Variants in DIAPH2 observed in about 807,000 individuals in gnomAD.
DIAPH2 encodes the protein protein diaphanous homolog 2.
Under a neutral mutation model 92.7 loss-of-function variants are expected in DIAPH2, and 35 were observed. That is an observed-to-expected ratio of 0.38 (90% CI 0.29 to 0.50). The LOEUF is 0.50. DIAPH2 is among the 20% of genes least tolerant of loss of function. DIAPH2 has a pLI of 0.94. For missense variants in DIAPH2, 701 were observed against 819.5 expected (o/e 0.86, Z 1.77); for synonymous variants, 301 against 280.4 (o/e 1.07, Z -0.73).
chrX:97,438,429 G>A (rs185199386), intron 26 of DIAPH2, among the ~76,000 whole-genome samples: 3 of 95,725 alleles, frequency 3.1e-5, no homozygotes, highest in East Asian at 3.3e-4. Flanking sequence ...GCAGTGGTGC[G>A]ATCACCACTC....
chrX:97,030,683 C>T (rs1261441575), intron 17 of DIAPH2, among the ~76,000 whole-genome samples: 1 of 111,487 alleles, frequency 9.0e-6, no homozygotes, highest in African/African-American at 3.3e-5. Flanking sequence ...ATGTGTGTTT[C>T]AAATCACCTT....
At chrX:96,967,233 A>C (rs187783132) in intron 17 of DIAPH2, among the ~76,000 whole-genome samples, 275 of 110,577 alleles carry the variant, frequency 2.5e-3, no homozygotes, top group Non-Finnish European at 4.5e-3. Flanking sequence ...GTCTATTCCC[A>C]TCTTTGTGTC....
intron 1 of DIAPH2, among the ~76,000 whole-genome samples, chrX:96,722,554 T>C (rs2063995749): frequency 2.7e-5 from 3 of 111,357 alleles, no homozygotes; most frequent in African/African-American, 9.8e-5. Context: ...TTTAAAATAA[T>C]TGGATATGTA....
At chrX:97,311,944 C>T (rs1252463937) in intron 23 of DIAPH2, among the ~76,000 whole-genome samples, 3 of 110,566 alleles carry the variant, frequency 2.7e-5, no homozygotes, top group African/African-American at 9.9e-5. Context: ...TCTCCTGCCT[C>T]AGCCTCCCCA....
At chrX:96,685,496 A>C (rs2063766156) in intron 1 of DIAPH2, among the ~76,000 whole-genome samples, 1 of 112,764 alleles carries the variant, frequency 8.9e-6, no homozygotes, top group Admixed American at 9.2e-5. Context: ...TTGTTTGTCT[A>C]ACTTGTGGGC....
At chrX:97,526,266 G>C (rs749060785) in intron 26 of DIAPH2, among the ~76,000 whole-genome samples, 1 of 111,341 alleles carries the variant, frequency 9.0e-6, no homozygotes, top group Admixed American at 9.5e-5. Flanking sequence ...CTTTGAAACA[G>C]GCATGCAAAG....
intron 26 of DIAPH2, among the ~76,000 whole-genome samples, chrX:97,451,827 T>C (rs761255433): frequency 2.7e-5 from 3 of 111,968 alleles, no homozygotes; most frequent in African/African-American, 9.7e-5. Context: ...GAAAACCTAC[T>C]GCTTCTGTTA....
intron 23 of DIAPH2, among the ~76,000 whole-genome samples, chrX:97,347,109 G>C: frequency 1.3e-5 from 1 of 78,832 alleles, no homozygotes; most frequent in Non-Finnish European, 2.3e-5. Context: ...TTTTTTTTGA[G>C]ACAGAGTCTC....
At chrX:97,085,891 T>C (rs1017058943) in intron 19 of DIAPH2, among the ~76,000 whole-genome samples, 1 of 111,451 alleles carries the variant, frequency 9.0e-6, no homozygotes, top group Non-Finnish European at 1.9e-5. Flanking sequence ...TCAAGAGTGT[T>C]TTCAGTTGAT....
At chrX:97,126,730 G>A (rs1158177556) in intron 21 of DIAPH2, among the ~76,000 whole-genome samples, 1 of 112,051 alleles carries the variant, frequency 8.9e-6, no homozygotes, top group Non-Finnish European at 1.9e-5. Flanking sequence ...ACAAGAAAGC[G>A]CATACTCTGT....
chrX:97,468,009 C>T (rs1196084556), intron 26 of DIAPH2, among the ~76,000 whole-genome samples: 1 of 111,670 alleles, frequency 9.0e-6, no homozygotes, highest in Non-Finnish European at 1.9e-5. Context: ...TGTGAAGGCT[C>T]CCAGGCTGAA....
chrX:96,698,364 CCACCTACCCT>C (rs2063836233), intron 1 of DIAPH2, among the ~76,000 whole-genome samples: 1 of 111,794 alleles, frequency 8.9e-6, no homozygotes. Context: ...GTGCCAAGAA[CCACCTACCCT>C]CTCCTGCTGC....
intron 25 of DIAPH2, among the ~76,000 whole-genome samples, chrX:97,400,013 G>A (rs1386063251): frequency 8.9e-6 from 1 of 112,223 alleles, no homozygotes; most frequent in Non-Finnish European, 1.9e-5. Context: ...TCTTAGAAGA[G>A]TGGTAGGAAA....
intron 21 of DIAPH2, among the ~76,000 whole-genome samples, chrX:97,129,706 C>G (rs895250719): frequency 6.3e-5 from 7 of 110,629 alleles, no homozygotes; most frequent in African/African-American, 2.3e-4. Context: ...TTAAACCATG[C>G]ACAGAAATGC....
At chrX:97,023,240 CTATTCT>C (rs1351044265) in intron 17 of DIAPH2, among the ~76,000 whole-genome samples, 1 of 111,487 alleles carries the variant, frequency 9.0e-6, no homozygotes, top group African/African-American at 3.3e-5. Flanking sequence ...ATTAGACTTG[CTATTCT>C]TATTCTTTCT....
chrX:97,139,075 T>C (rs952998666), intron 21 of DIAPH2, among the ~76,000 whole-genome samples: 2 of 111,108 alleles, frequency 1.8e-5, no homozygotes, highest in Non-Finnish European at 3.8e-5. Flanking sequence ...TTACTCTTGT[T>C]CTACCCCAAG....
At chrX:96,928,354 T>C (rs770512888) in intron 9 of DIAPH2, among the ~76,000 whole-genome samples, 46 of 111,413 alleles carry the variant, frequency 4.1e-4, no homozygotes, top group African/African-American at 1.4e-3. Context: ...TATTTAGCTA[T>C]GAATTCAGGA....
chrX:97,101,827 A>G (rs962931775), intron 20 of DIAPH2, among the ~76,000 whole-genome samples: 4 of 112,294 alleles, frequency 3.6e-5, no homozygotes, highest in African/African-American at 1.3e-4. Flanking sequence ...TTGCTAAAAC[A>G]TATTTCTCTA....
At chrX:97,255,670 G>A (rs1244912294) in intron 23 of DIAPH2, among the ~76,000 whole-genome samples, 9 of 111,958 alleles carry the variant, frequency 8.0e-5, no homozygotes, top group Non-Finnish European at 1.7e-4. Flanking sequence ...CATAGCCTCA[G>A]TTTAACAGAA....
Sources: gnomAD v4.1 joint callset for allele counts (sites outside exome capture counted in the v4.1 genomes callset) on GRCh38, gnomAD v4.1.1 for gene constraint, MANE v1.5 for transcripts, NCBI Gene and HGNC (gene_info 2026-07-23, HGNC 2026-07-21) for gene names.